Variants in FASTKD2 observed in about 807,000 individuals in gnomAD.
FASTKD2 encodes FAST kinase domains 2, also known as FAST kinase domain-containing protein 2, mitochondrial.
A neutral mutation model predicts 63.6 loss-of-function variants in FASTKD2; 51 were observed. That is an observed-to-expected ratio of 0.80 (90% CI 0.64 to 1.01). The LOEUF (loss-of-function observed/expected upper bound fraction) is 1.01, where lower values mean the gene tolerates loss of function less well. FASTKD2 is among the 50% of genes least tolerant of loss of function. FASTKD2 has a pLI of 0.00. For synonymous variants in FASTKD2, 284 were observed against 293.4 expected (o/e 0.97, Z 0.33); for missense variants, 786 against 831.1 (o/e 0.95, Z 0.67).
At chr2:206,780,681 C>T (rs1166901190) in intron 7 of FASTKD2, among the ~76,000 whole-genome samples, 2 of 152,188 alleles carry the variant, frequency 1.3e-5, no homozygotes, top group Non-Finnish European at 2.9e-5. Context: ...TTTTCAGCCA[C>T]TATTTCCTTA....
rs1257656343 is a variant in FASTKD2, at chr2:206,795,751, G to T, written c.*3949G>T. ...ATGTTTCTGCCAACAAACAGCCACA[G>T]AGCATTTTATTTTTCTAGAAGAGCA... On this transcript the variant is annotated 3_prime_UTR_variant, in exon 12 of 12. Transcript: ENST00000402774. Among the ~76,000 whole-genome samples, 4 of 152,204 alleles carry T rather than the reference G, an allele frequency of 2.6e-5. No individual in the cohort carries two copies. The highest frequency in any genetic ancestry group is 5.9e-5 in the Non-Finnish European group (4 of 68,034).
Position 206,788,845 on chromosome 2 carries a change from A to G in FASTKD2, c.1840A>G (p.Arg614Gly). Residue 614 changes from arginine (R) to glycine (G), a missense_variant, in exon 10 of 12, where the codon AGG becomes GGG. Coordinates refer to ENST00000402774, the MANE Select transcript of FASTKD2 (RefSeq NM_001136193.2). Reference sequence around the variant, plus strand: ...TTTTGAAATCAGAATGGACACTAACAGGAATCAAGTGCTACCACTTTCTGA... The same window carrying G: ...TTTTGAAATCAGAATGGACACTAACGGGAATCAAGTGCTACCACTTTCTGA... ...IDFEIRMDTNRNQVLPLSDVD... is the reference protein window; with the variant it reads ...IDFEIRMDTNGNQVLPLSDVD... 1 of 1,577,244 alleles carries G rather than the reference A, an allele frequency of 6.3e-7. No individual in the cohort carries two copies. Among genetic ancestry groups the G allele is most frequent in the East Asian group, 2.2e-5 (1 of 44,692 alleles).
At chr2:206,780,004 A>G (rs1443352576) in intron 7 of FASTKD2, among the ~76,000 whole-genome samples, 5 of 152,186 alleles carry the variant, frequency 3.3e-5, no homozygotes, top group Non-Finnish European at 5.9e-5. Flanking sequence ...CTTCCATTGC[A>G]TACAAAAGCT....
chr2:206,771,924 T>G lies in FASTKD2; in HGVS notation c.1021T>G (p.Ser341Ala). ...MKALRELDRF[S>A]VLNSQHMFEV... The stretch of plus-strand genomic sequence containing the variant: ...AGCCTTGAGGGAATTAGACAGATTT[T>G]CTGTTTTGAATAGCCAACACATGTT... Residue 341 changes from serine (S) to alanine (A), a missense_variant, in exon 5 of 12, where the codon TCT becomes GCT. Transcript: ENST00000402774. 1 of 1,609,344 alleles carries G rather than the reference T, an allele frequency of 6.2e-7. No individual in the cohort carries two copies. Among genetic ancestry groups the G allele is most frequent in the Non-Finnish European group, 8.5e-7 (1 of 1,175,660 alleles).
intron 10 of FASTKD2, chr2:206,789,470 A>C (rs900464402): frequency 2.0e-5 from 3 of 153,508 alleles, no homozygotes; most frequent in Non-Finnish European, 4.3e-5. Context: ...CTGCCTCTTC[A>C]GTAGATGCAT....
chr2:206,774,179 A>G, intron 6 of FASTKD2, 46 bp from the exon 7 acceptor site: 1 of 1,336,676 alleles, frequency 7.5e-7, no homozygotes, highest in Middle Eastern at 2.4e-4. Flanking sequence ...TACTATTAGC[A>G]TACTGTAATT....
In FASTKD2 at chr2:206,795,717, A is replaced by G. The variant is rs988622805; in HGVS notation, c.*3915A>G. ...CTTGAAACTGGGAAGGCCAAATGAGATAGAGGTAATGTTTCTGCCAACAAA... is the reference window on the plus strand; with the variant it reads ...CTTGAAACTGGGAAGGCCAAATGAGGTAGAGGTAATGTTTCTGCCAACAAA... On this transcript the variant is annotated 3_prime_UTR_variant, in exon 12 of 12. Transcript: ENST00000402774. Among the ~76,000 whole-genome samples the G allele has an allele frequency of 6.6e-6, 1 of 152,166 alleles. No homozygotes were observed. The highest frequency in any genetic ancestry group is 2.4e-5 in the African/African-American group (1 of 41,436).
chr2:206,773,042 C>T (rs1457960307), intron 6 of FASTKD2, among the ~76,000 whole-genome samples: 5 of 151,972 alleles, frequency 3.3e-5, no homozygotes, highest in South Asian at 4.2e-4. Context: ...GGGCTGGGCG[C>T]GGTGGCTCAC....
chr2:206,795,789 C>T lies in FASTKD2; in HGVS notation c.*3987C>T, dbSNP rs1690434403. ...TTCTAGAAGAGCAATAACAGAGACC[C>T]CAGGGTGTGGTGTGGCAGGACGAGG... On this transcript the variant is annotated 3_prime_UTR_variant, in exon 12 of 12. Transcript: ENST00000402774. 6.6e-6 allele frequency among the ~76,000 whole-genome samples: 1 copy of T among 152,156 alleles called. No homozygotes were observed. Among genetic ancestry groups the T allele is most frequent in the African/African-American group, 2.4e-5 (1 of 41,422 alleles).
chr2:206,786,289 A>G (rs1392034659), intron 7 of FASTKD2, among the ~76,000 whole-genome samples: 1 of 152,196 alleles, frequency 6.6e-6, no homozygotes, highest in Non-Finnish European at 1.5e-5. Context: ...TGATAACTAG[A>G]TAATTTTAGT....
chr2:206,770,822 G>A (rs1485152400), intron 3 of FASTKD2, among the ~76,000 whole-genome samples: 1 of 152,044 alleles, frequency 6.6e-6, no homozygotes, highest in East Asian at 1.9e-4. Flanking sequence ...CTATGTGAGG[G>A]TTGACGTTGA....
chr2:206,779,931 C>T (rs1689923297), intron 7 of FASTKD2, among the ~76,000 whole-genome samples: 2 of 151,876 alleles, frequency 1.3e-5, no homozygotes, highest in South Asian at 4.1e-4. Flanking sequence ...TTGTGGTTAC[C>T]ATGGGTCTTA....
chr2:206,790,505 C>T (rs575696103), intron 10 of FASTKD2, 67 bp from the exon 11 acceptor site: 105 of 965,576 alleles, frequency 1.1e-4, no homozygotes, highest in East Asian at 3.4e-4. Context: ...CTCCAGAGAA[C>T]AAGAATGCAG....
chr2:206,785,935 G>A (rs1251625165), intron 7 of FASTKD2, among the ~76,000 whole-genome samples: 1 of 152,154 alleles, frequency 6.6e-6, no homozygotes, highest in Non-Finnish European at 1.5e-5. Context: ...CAGGCAAGTA[G>A]CATGTGCTTT....
intron 1 of FASTKD2, 78 bp downstream of exon 1, chr2:206,765,825 T>A (rs983929023): frequency 6.5e-6 from 1 of 152,740 alleles, no homozygotes; most frequent in Non-Finnish European, 1.5e-5. Flanking sequence ...TTCTGGGGTC[T>A]GGTGAGGCTG....
At chr2:206,779,391 A>T (rs1689908561) in intron 7 of FASTKD2, among the ~76,000 whole-genome samples, 1 of 152,078 alleles carries the variant, frequency 6.6e-6, no homozygotes, top group South Asian at 2.1e-4. Context: ...ACGTTGCTAT[A>T]CTACCTAAGA....
At chr2:206,781,304 A>ATTTTTTT (rs71034473) in intron 7 of FASTKD2, among the ~76,000 whole-genome samples, 7 of 75,928 alleles carry the variant, frequency 9.2e-5, no homozygotes, top group South Asian at 6.7e-4. Context: ...TTTTTCTATG[A>ATTTTTTT]TTTTTTTTTT....
Position 206,791,764 on chromosome 2 carries a change from C to T in FASTKD2, c.2095C>T (p.Leu699Phe). The change falls in exon 12 of 12, where the codon CTT becomes TTT. Residue 699 changes from leucine to phenylalanine, a missense_variant. Physicochemically the swap from Leu to Phe is conservative, Grantham distance 22 (BLOSUM62 0). Coordinates refer to ENST00000402774, the MANE Select transcript of FASTKD2 (RefSeq NM_001136193.2). ...GACTAAAATCTATTCAGTAGAAGCT[C>T]TTCCTGTTGCTGCTGTAAATGTGCA... is the stretch of plus-strand genomic sequence containing the variant. ...LKTKIYSVEA[L>F]PVAAVNVQST... 1 of 1,613,074 alleles carries T rather than the reference C, an allele frequency of 6.2e-7. No homozygotes were observed. Among genetic ancestry groups the T allele is most frequent in the Non-Finnish European group, 8.5e-7 (1 of 1,179,446 alleles).
chr2:206,789,740 C>T (rs534436787), intron 10 of FASTKD2: 3 of 152,380 alleles, frequency 2.0e-5, no homozygotes, highest in Admixed American at 2.0e-4. Context: ...GCCATCTTTT[C>T]AACCGCTGTC....
Sources: gnomAD v4.1 joint callset for allele counts (sites outside exome capture counted in the v4.1 genomes callset) on GRCh38, gnomAD v4.1.1 for gene constraint, MANE v1.5 for transcripts, NCBI Gene and HGNC (gene_info 2026-07-23, HGNC 2026-07-21) for gene names.